The following GSG1L variants were observed in gnomAD, a reference collection of about 807,000 sequenced individuals.
GSG1L encodes the protein GSG1 like.
In GSG1L, 24 loss-of-function variants were observed where a neutral mutation model predicts 42.1. The observed-to-expected ratio is 0.57, with a 90% CI of 0.41 to 0.80. The LOEUF (loss-of-function observed/expected upper bound fraction) is 0.80. Among genes scored for constraint, GSG1L ranks in the 30% least tolerant of loss-of-function variants. GSG1L has a pLI of 0.00. For synonymous variants in GSG1L, 215 were observed against 203.5 expected (o/e 1.06, Z -0.48); for missense variants, 445 against 472.2 (o/e 0.94, Z 0.53).
At chr16:28,002,159 C>T (rs2085584451) in intron 1 of GSG1L, among the ~76,000 whole-genome samples, 1 of 152,128 alleles carries the variant, frequency 6.6e-6, no homozygotes, top group Non-Finnish European at 1.5e-5. Flanking sequence ...AACAAGTCAA[C>T]AAATAAATAA....
chr16:27,848,633 T>C (rs890407858), intron 3 of GSG1L, among the ~76,000 whole-genome samples: 1 of 152,000 alleles, frequency 6.6e-6, no homozygotes, highest in Non-Finnish European at 1.5e-5. Context: ...AATTAGCATA[T>C]AAACTAACAT....
intron 6 of GSG1L, 51 bp downstream of exon 6, chr16:27,807,436 C>T (rs1346216689): frequency 6.7e-7 from 1 of 1,492,100 alleles, no homozygotes; most frequent in Non-Finnish European, 9.3e-7. Context: ...TCTTTCTCCT[C>T]TGGCAGCCCA....
At chr16:27,894,333 GC>G (rs2084164621) in intron 2 of GSG1L, among the ~76,000 whole-genome samples, 1 of 152,230 alleles carries the variant, frequency 6.6e-6, no homozygotes, top group African/African-American at 2.4e-5. Context: ...AAGGGAAGTA[GC>G]CAAGGAGGAT....
At chr16:27,823,707 C>T (rs1417247654) in intron 5 of GSG1L, among the ~76,000 whole-genome samples, 2 of 152,166 alleles carry the variant, frequency 1.3e-5, no homozygotes, top group African/African-American at 2.4e-5. Flanking sequence ...GCCCCTCCTG[C>T]GATGAACTCC....
chr16:27,800,413 A>T (rs2082868112), intron 6 of GSG1L, among the ~76,000 whole-genome samples: 1 of 152,178 alleles, frequency 6.6e-6, no homozygotes, highest in Admixed American at 6.5e-5. Flanking sequence ...AGCCTTACAG[A>T]TACACCTGGC....
At chr16:27,992,136 T>A (rs2085464124) in intron 1 of GSG1L, among the ~76,000 whole-genome samples, 1 of 152,170 alleles carries the variant, frequency 6.6e-6, no homozygotes, top group Non-Finnish European at 1.5e-5. Context: ...CTAGTGATGA[T>A]GAGTTTTGCA....
chr16:27,842,648 T>C (rs1001191875), intron 4 of GSG1L, among the ~76,000 whole-genome samples: 3 of 152,086 alleles, frequency 2.0e-5, no homozygotes, highest in Non-Finnish European at 4.4e-5. Context: ...CTGGCTTCCC[T>C]GGGATTGTTC....
chr16:27,923,611 G>A (rs1213343156), intron 2 of GSG1L, among the ~76,000 whole-genome samples: 1 of 151,976 alleles, frequency 6.6e-6, no homozygotes, highest in Non-Finnish European at 1.5e-5. Flanking sequence ...GCATGGTGGC[G>A]GGTGCCTGTG....
intron 1 of GSG1L, among the ~76,000 whole-genome samples, chr16:27,979,288 G>A (rs116317418): frequency 0.019 from 2,932 of 151,978 alleles, 36 homozygotes; most frequent in Middle Eastern, 0.037. Flanking sequence ...AAAAAAGGTC[G>A]GACATGATAG....
rs541404279 is a variant in GSG1L, at chr16:27,887,708, T to C, written c.398-3070A>G. 1.3e-5 allele frequency among the ~76,000 whole-genome samples: 2 copies of C among 152,248 alleles called. 1 individual carries two copies. The highest frequency in any genetic ancestry group is 4.1e-4 in the South Asian group (2 of 4,832). ...CTTGCTCCCTGATGAAGAACCCAGA[T>C]GCTGAAACACCCACTATCATTCCTA... is the stretch of plus-strand genomic sequence containing the variant. On this transcript the variant is annotated intron_variant, in intron 2 of 6. Transcript: ENST00000447459.
intron 1 of GSG1L, among the ~76,000 whole-genome samples, chr16:28,008,331 C>T (rs898081613): frequency 3.3e-5 from 5 of 152,214 alleles, no homozygotes; most frequent in African/African-American, 7.2e-5. Flanking sequence ...CCACCCGCCT[C>T]GGCCTCCCAA....
intron 1 of GSG1L, among the ~76,000 whole-genome samples, chr16:28,027,358 T>G (rs1189468961): frequency 6.6e-6 from 1 of 152,134 alleles, no homozygotes; most frequent in Non-Finnish European, 1.5e-5. Context: ...CTGAGCCTTT[T>G]CTCCAGAGTT....
chr16:27,950,788 C>T (rs1596640788), intron 2 of GSG1L, among the ~76,000 whole-genome samples: 2 of 152,256 alleles, frequency 1.3e-5, no homozygotes, highest in African/African-American at 2.4e-5. Context: ...TACTCAGTGT[C>T]GCCTTTTGCA....
At position 27,931,166 on chromosome 16, in the gene GSG1L, C is replaced by T. The variant is rs560769266; in HGVS notation, c.397+31990G>A. Among the ~76,000 whole-genome samples the T allele has an allele frequency of 7.9e-5, 12 of 152,290 alleles. No individual in the cohort carries two copies. The South Asian group carries it at 2.3e-3, about 29-fold the overall frequency. The stretch of plus-strand genomic sequence containing the variant: ...ATCATTTGACATCTGCTTCTTCACT[C>T]GGGCTCTTCGTGGGGCCAATCAAAG... On this transcript the variant is annotated intron_variant, in intron 2 of 6. Transcript: ENST00000447459.
intron 1 of GSG1L, among the ~76,000 whole-genome samples, chr16:27,999,837 G>A (rs1025483418): frequency 6.6e-6 from 1 of 152,218 alleles, no homozygotes; most frequent in Non-Finnish European, 1.5e-5. Context: ...AGATGAGGGA[G>A]AGAAAGTAGA....
At chr16:27,939,170 G>A (rs2084756576) in intron 2 of GSG1L, among the ~76,000 whole-genome samples, 1 of 152,000 alleles carries the variant, frequency 6.6e-6, no homozygotes, top group Non-Finnish European at 1.5e-5. Context: ...CACCCAGGCT[G>A]GAGTGCAGTG....
At chr16:27,791,521 C>G in intron 6 of GSG1L, 54 bp from the exon 7 acceptor site, 1 of 1,254,438 alleles carries the variant, frequency 8.0e-7, no homozygotes, top group South Asian at 1.8e-5. Context: ...CACCCACATC[C>G]TGTCTACCCA....
At chr16:27,903,579 C>A (rs1467207892) in intron 2 of GSG1L, among the ~76,000 whole-genome samples, 3 of 152,214 alleles carry the variant, frequency 2.0e-5, no homozygotes, top group Non-Finnish European at 4.4e-5. Context: ...TTTCTTCCCA[C>A]CTCTCCACCA....
intron 5 of GSG1L, chr16:27,823,964 GA>G (rs1260461989): frequency 2.8e-6 from 2 of 702,696 alleles, no homozygotes; most frequent in Non-Finnish European, 5.2e-6. Flanking sequence ...AGGCATCGCA[GA>G]AATTAACTGA....
Sources: allele counts gnomAD v4.1 joint callset (sites outside exome capture counted in the v4.1 genomes callset), GRCh38; gene constraint gnomAD v4.1.1; transcripts MANE v1.5; gene names NCBI Gene and HGNC (gene_info 2026-07-23, HGNC 2026-07-21).